APC: variants seen among roughly 807,000 people sequenced by gnomAD.
The protein encoded by APC is APC regulator of Wnt signaling pathway, also known as adenomatous polyposis coli protein.
Under a neutral mutation model 247.0 loss-of-function variants are expected in APC, and 72 were observed. The ratio of observed to expected loss-of-function variants is 0.29; its 90% CI spans 0.24 to 0.35. The LOEUF (loss-of-function observed/expected upper bound fraction) is 0.35, where lower values mean the gene tolerates loss of function less well. APC is among the 10% of genes least tolerant of loss of function. The probability of loss-of-function intolerance (pLI) is 1.00; values close to 1 mark genes in which losing one functional copy is unlikely to be tolerated. For missense variants in APC, 3,400 were observed against 3,360.7 expected, an observed-to-expected ratio of 1.01 and a Z score of -0.29; for synonymous variants, 1,254 against 1,162.5, an observed-to-expected ratio of 1.08 and a Z score of -1.60.
In APC at chr5:112,801,284, A is replaced by G. The variant is rs876659397; in HGVS notation, c.735A>G (p.Ser245=). The change falls in exon 8 of 16, where the codon TCA becomes TCG. Residue 245 remains serine (S), a synonymous_variant. Coordinates refer to ENST00000257430, the MANE Select transcript of APC (RefSeq NM_000038.6). ...TGTTAACTCCATCTTAACAGAGGTC[A>G]TCTCAGAACAAGCATGAAACCGGCT... ...LQSQATEAER[S]SQNKHETGSH... 6.2e-7 allele frequency: 1 copy of G among 1,612,376 alleles called. No homozygotes were observed. Among genetic ancestry groups the G allele is most frequent in the Admixed American group, 1.7e-5 (1 of 59,910 alleles).
intron 1 of APC, among the ~76,000 whole-genome samples, chr5:112,725,606 AAAAAAATAGC>A (rs1307759041): frequency 6.6e-6 from 1 of 151,832 alleles, no homozygotes; most frequent in African/African-American, 2.4e-5. Flanking sequence ...CATACAAAAA[AAAAAAATAGC>A]TGGGCTCAGT....
intron 6 of APC, among the ~76,000 whole-genome samples, chr5:112,786,963 C>T (rs545280172): frequency 1.4e-5 from 2 of 146,190 alleles, no homozygotes; most frequent in South Asian, 2.3e-4. Context: ...TTTTGTCTCA[C>T]TGCAACCTCC....
At chr5:112,810,293 G>A (rs1191986287) in intron 8 of APC, 5 of 345,360 alleles carry the variant, frequency 1.4e-5, no homozygotes, top group Middle Eastern at 4.9e-4. Context: ...GCAAAAGGTG[G>A]CGATGGATAT....
upstream of APC, among the ~76,000 whole-genome samples, chr5:112,737,296 AG>A (rs1250752373): frequency 6.6e-6 from 1 of 152,188 alleles, no homozygotes; most frequent in Non-Finnish European, 1.5e-5. Context: ...CTAGAGTGAC[AG>A]GAGTAAAGCT....
chr5:112,714,797 T>C (rs1308912245), intron 1 of APC, among the ~76,000 whole-genome samples: 1 of 152,238 alleles, frequency 6.6e-6, no homozygotes, highest in East Asian at 1.9e-4. Context: ...TCTATGGGTA[T>C]TATTTTTCTG....
chr5:112,801,234 C>G (rs753632104), intron 7 of APC, 45 bp from the exon 8 acceptor site: 2 of 1,525,234 alleles, frequency 1.3e-6, no homozygotes, highest in East Asian at 4.5e-5. Flanking sequence ...GCTAAGAAAG[C>G]CTACACCATT....
chr5:112,745,110 T>C (rs887382555), intron 1 of APC, among the ~76,000 whole-genome samples: 3 of 135,604 alleles, frequency 2.2e-5, no homozygotes, highest in African/African-American at 7.9e-5. Context: ...AGGGCATATA[T>C]AGGATTTAAA....
chr5:112,745,110 T>G (rs887382555), intron 1 of APC, among the ~76,000 whole-genome samples: 4 of 135,604 alleles, frequency 2.9e-5, no homozygotes, highest in African/African-American at 1.1e-4. Context: ...AGGGCATATA[T>G]AGGATTTAAA....
chr5:112,809,092 C>CT (rs1761716467), intron 8 of APC, among the ~76,000 whole-genome samples: 1 of 152,036 alleles, frequency 6.6e-6, no homozygotes, highest in African/African-American at 2.4e-5. Flanking sequence ...TAGCTCATGC[C>CT]TGTAATCCCA....
chr5:112,807,134 A>AG (rs1264558143), intron 8 of APC, among the ~76,000 whole-genome samples: 14 of 144,800 alleles, frequency 9.7e-5, no homozygotes, highest in African/African-American at 3.8e-4. Context: ...CTCTATCTCA[A>AG]GGAAAAAAAA....
chr5:112,803,923 GCTACTCAC>G (rs1195986583), intron 8 of APC, among the ~76,000 whole-genome samples: 1 of 152,002 alleles, frequency 6.6e-6, no homozygotes, highest in Non-Finnish European at 1.5e-5. Context: ...CCTTTCAGTG[GCTACTCAC>G]CTCCCATATA....
At chr5:112,812,229 A>C (rs1472803446) in intron 8 of APC, among the ~76,000 whole-genome samples, 2 of 152,216 alleles carry the variant, frequency 1.3e-5, no homozygotes, top group Non-Finnish European at 2.9e-5. Flanking sequence ...ACCAGGAGGC[A>C]AAGATCTATC....
intron 2 of APC, among the ~76,000 whole-genome samples, chr5:112,764,293 G>A (rs938826199): frequency 4.1e-4 from 62 of 151,330 alleles, no homozygotes; most frequent in Non-Finnish European, 7.4e-4. Flanking sequence ...GCCTTAAAAA[G>A]GCTGCTCTGA....
At chr5:112,786,372 G>T (rs1456702231) in intron 6 of APC, among the ~76,000 whole-genome samples, 1 of 152,152 alleles carries the variant, frequency 6.6e-6, no homozygotes, top group East Asian at 1.9e-4. Flanking sequence ...ATCCACTTGT[G>T]CCTACCTATG....
intron 8 of APC, 130 bp from the exon 9 acceptor site, chr5:112,815,365 A>T: frequency 1.5e-6 from 1 of 658,508 alleles, no homozygotes; most frequent in East Asian, 3.2e-5. Flanking sequence ...GAACAGTTAT[A>T]ATGGTCATAC....
intron 1 of APC, among the ~76,000 whole-genome samples, chr5:112,751,043 G>A (rs113293924): frequency 4.0e-5 from 6 of 151,812 alleles, no homozygotes; most frequent in African/African-American, 1.5e-4. Flanking sequence ...TTTAAACATT[G>A]TGTTCTCGTG....
chr5:112,735,590 C>T (rs975162072), upstream of APC, among the ~76,000 whole-genome samples: 7 of 151,672 alleles, frequency 4.6e-5, no homozygotes, highest in African/African-American at 1.5e-4. Context: ...TATGTGCAAA[C>T]TTGATAAGAC....
chr5:112,765,583 T>C (rs1039035094), intron 2 of APC, among the ~76,000 whole-genome samples: 2 of 152,222 alleles, frequency 1.3e-5, no homozygotes, highest in Non-Finnish European at 2.9e-5. Flanking sequence ...TCAGGAAACC[T>C]GATTGGCCAA....
intron 6 of APC, among the ~76,000 whole-genome samples, chr5:112,791,431 G>T (rs1418049547): frequency 3.9e-5 from 6 of 152,142 alleles, no homozygotes; most frequent in Non-Finnish European, 7.4e-5. Flanking sequence ...CCCAGGCCAC[G>T]AGCAAGCATT....
Sources: gnomAD v4.1 joint callset for allele counts (sites outside exome capture counted in the v4.1 genomes callset) on GRCh38, gnomAD v4.1.1 for gene constraint, MANE v1.5 for transcripts, NCBI Gene and HGNC (gene_info 2026-07-23, HGNC 2026-07-21) for gene names.